The following TENM1 variants were observed in gnomAD, a reference collection of about 807,000 sequenced individuals.
TENM1 encodes teneurin transmembrane protein 1.
TENM1 carries 35 observed loss-of-function variants against 174.8 expected under a neutral mutation model. The observed-to-expected ratio is 0.20, with a 90% CI of 0.15 to 0.27. TENM1 has a LOEUF of 0.27. TENM1 is among the 10% of genes least tolerant of loss of function. The pLI, the probability that TENM1 is intolerant of heterozygous loss-of-function variation, is 1.00. For missense variants in TENM1, 1,633 were observed against 2,130.1 expected, an observed-to-expected ratio of 0.77 and a Z score of 4.59; for synonymous variants, 781 against 798.7, an observed-to-expected ratio of 0.98 and a Z score of 0.37.
intron 23 of TENM1, among the ~76,000 whole-genome samples, chrX:124,429,846 T>C (rs1403697237): frequency 8.9e-6 from 1 of 111,820 alleles, no homozygotes; most frequent in Non-Finnish European, 1.9e-5. Flanking sequence ...TTACCCCCAG[T>C]TGTGGCAACT....
At chrX:125,032,786 C>T in the TENM1 span, among the ~76,000 whole-genome samples, 4 of 111,821 alleles carry the variant, frequency 3.6e-5, no homozygotes, top group East Asian at 5.7e-4. Flanking sequence ...AATTATACAG[C>T]CCAGCACAAC....
intron 23 of TENM1, among the ~76,000 whole-genome samples, chrX:124,439,579 G>A (rs2060881745): frequency 9.0e-6 from 1 of 111,545 alleles, no homozygotes; most frequent in South Asian, 3.8e-4. Flanking sequence ...TCTGGAACAT[G>A]TTTGCTACAG....
the TENM1 span, among the ~76,000 whole-genome samples, chrX:125,185,744 A>T: frequency 8.9e-6 from 1 of 112,190 alleles, no homozygotes; most frequent in East Asian, 2.8e-4. Flanking sequence ...TCCTTCAAAC[A>T]TATGTGCATG....
chrX:124,636,376 C>T (rs1352811264), intron 11 of TENM1, among the ~76,000 whole-genome samples: 1 of 111,635 alleles, frequency 9.0e-6, no homozygotes, highest in Non-Finnish European at 1.9e-5. Context: ...TTTCAATCTG[C>T]TAGTTTTATT....
chrX:124,901,121 G>A (rs2057656047), intron 1 of TENM1, among the ~76,000 whole-genome samples: 1 of 110,864 alleles, frequency 9.0e-6, no homozygotes, highest in South Asian at 3.8e-4. Flanking sequence ...ATCTTCTAGG[G>A]TGTACTTTTG....
intron 1 of TENM1, among the ~76,000 whole-genome samples, chrX:124,907,072 T>G (rs776026844): frequency 8.9e-6 from 1 of 111,918 alleles, no homozygotes; most frequent in African/African-American, 3.2e-5. Flanking sequence ...TTATTGTATG[T>G]CAATTTTACC....
chrX:124,930,112 C>T (rs1235025614), intron 1 of TENM1, among the ~76,000 whole-genome samples: 1 of 109,796 alleles, frequency 9.1e-6, no homozygotes, highest in Non-Finnish European at 1.9e-5. Context: ...CGCTGCCACC[C>T]CATACCCCGC....
At chrX:125,054,397 G>T in the TENM1 span, among the ~76,000 whole-genome samples, 1 of 110,393 alleles carries the variant, frequency 9.1e-6, no homozygotes, top group Admixed American at 9.8e-5. Flanking sequence ...CTAGTCTTAG[G>T]TATTTCTTTA....
At chrX:125,197,475 A>G in the TENM1 span, among the ~76,000 whole-genome samples, 1 of 111,891 alleles carries the variant, frequency 8.9e-6, no homozygotes, top group Admixed American at 9.5e-5. Context: ...GACTTTTTCC[A>G]TTGTTCATCC....
rs183779942 is a variant in TENM1, at chrX:124,416,214, C to T, written c.4982+4097G>A. Among the ~76,000 whole-genome samples the T allele has an allele frequency of 2.1e-3, 236 of 111,601 alleles. 1 individual carries two copies. The highest frequency in any genetic ancestry group is 7.3e-3 in the African/African-American group (223 of 30,680). ...CCACTTCTAGAACATTTCTATCACC[C>T]CCAAGATAAACCCCATATGAATTAA... On this transcript the variant is annotated intron_variant, in intron 25 of 31. Coordinates refer to ENST00000422452, the Ensembl canonical transcript of TENM1.
At chrX:124,450,287 G>T (rs975572856) in intron 23 of TENM1, among the ~76,000 whole-genome samples, 4 of 108,740 alleles carry the variant, frequency 3.7e-5, no homozygotes, top group Non-Finnish European at 7.7e-5. Context: ...GTGAACCCGG[G>T]AGGCGGAGCT....
chrX:124,954,366 C>T (rs781511874), intron 1 of TENM1, among the ~76,000 whole-genome samples: 1 of 111,581 alleles, frequency 9.0e-6, no homozygotes, highest in East Asian at 2.8e-4. Flanking sequence ...AACCTCCCTC[C>T]TCCATTTATC....
At chrX:124,747,436 G>A (rs1472585601) in intron 3 of TENM1, among the ~76,000 whole-genome samples, 1 of 108,251 alleles carries the variant, frequency 9.2e-6, no homozygotes, top group East Asian at 3.0e-4. Context: ...GGAAATCCTA[G>A]AAATTAAGAA....
the TENM1 span, among the ~76,000 whole-genome samples, chrX:125,062,985 CAAAT>C: frequency 8.9e-6 from 1 of 112,462 alleles, no homozygotes; most frequent in Non-Finnish European, 1.9e-5. Context: ...AATTAACACA[CAAAT>C]GAATGAACAA....
chrX:124,718,154 G>A (rs2053230087), intron 4 of TENM1, among the ~76,000 whole-genome samples: 1 of 112,014 alleles, frequency 8.9e-6, no homozygotes, highest in Admixed American at 9.5e-5. Flanking sequence ...GAAGAGCTAA[G>A]ACATGCCCCC....
At chrX:124,729,013 G>T (rs912866476) in intron 4 of TENM1, among the ~76,000 whole-genome samples, 5 of 112,399 alleles carry the variant, frequency 4.4e-5, no homozygotes, top group African/African-American at 1.6e-4. Context: ...GTTAGATATC[G>T]TTATTGTTAC....
chrX:124,652,201 C>G (rs2051325886), intron 7 of TENM1, 77 bp from the exon 11 acceptor site: 2 of 1,073,969 alleles, frequency 1.9e-6, no homozygotes, highest in South Asian at 4.5e-5. Context: ...TTCAACTGCC[C>G]TATTTCTTAC....
chrX:124,818,005 C>T (rs2055944777), intron 3 of TENM1, among the ~76,000 whole-genome samples: 1 of 110,400 alleles, frequency 9.1e-6, no homozygotes, highest in Non-Finnish European at 1.9e-5. Context: ...TCAAGAATGT[C>T]TTCTAGATTC....
chrX:124,689,999 T>C (rs1367871930), intron 5 of TENM1, among the ~76,000 whole-genome samples: 1 of 111,570 alleles, frequency 9.0e-6, no homozygotes, highest in East Asian at 2.8e-4. Flanking sequence ...GGCAGTACTA[T>C]TGTAATACCT....
Sources: gnomAD v4.1 joint callset for allele counts (sites outside exome capture counted in the v4.1 genomes callset) on GRCh38, gnomAD v4.1.1 for gene constraint, MANE v1.5 for transcripts, NCBI Gene and HGNC (gene_info 2026-07-23, HGNC 2026-07-21) for gene names.